Variants in MKRN1 observed in about 807,000 individuals in gnomAD.
MKRN1 encodes the protein makorin ring finger protein 1, also known as E3 ubiquitin-protein ligase makorin-1.
In MKRN1, 9 loss-of-function variants were observed where a neutral mutation model predicts 55.5. The ratio of observed to expected loss-of-function variants is 0.16; its 90% confidence interval spans 0.10 to 0.28. MKRN1 has a LOEUF of 0.28. Ranked by LOEUF, MKRN1 falls within the 10% of genes least tolerant of loss-of-function variation. The pLI, the probability that MKRN1 is intolerant of heterozygous loss-of-function variation, is 1.00. For missense variants in MKRN1, 488 were observed against 626.7 expected, an observed-to-expected ratio of 0.78 and a Z score of 2.36; for synonymous variants, 253 against 235.9, an observed-to-expected ratio of 1.07 and a Z score of -0.66.
At chr7:140,479,094 C>A (rs932433943) in intron 1 of MKRN1, 66 bp downstream of exon 1, 11 of 1,258,684 alleles carry the variant, frequency 8.7e-6, no homozygotes, top group Non-Finnish European at 1.1e-5. Context: ...CCTCCTCCCT[C>A]CCGCGCCGCA....
chr7:140,462,158 G>C (rs113348418), intron 2 of MKRN1, among the ~76,000 whole-genome samples: 115 of 152,204 alleles, frequency 7.6e-4, no homozygotes, highest in African/African-American at 2.5e-3. Flanking sequence ...CTCCTGAGTA[G>C]CTGGGACGAC....
At chr7:140,474,038 A>G (rs1157586519) in intron 1 of MKRN1, among the ~76,000 whole-genome samples, 2 of 93,108 alleles carry the variant, frequency 2.1e-5, no homozygotes, top group African/African-American at 1.2e-4. Flanking sequence ...AGAAAGAAAG[A>G]AAGAAAGAAA....
chr7:140,476,514 AGTACTTTGTCTTTGGT>A (rs1177558841), intron 1 of MKRN1, among the ~76,000 whole-genome samples: 2 of 148,636 alleles, frequency 1.3e-5, no homozygotes, highest in African/African-American at 2.5e-5. Flanking sequence ...TGTTCTGTTA[AGTACTTTGTCTTTGGT>A]AATTTACAAG....
Position 140,454,592 on chromosome 7 carries a change from G to A in MKRN1, c.1374C>T (p.Asp458=), listed in dbSNP as rs546503746. The change falls in exon 8 of 8, where the codon GAC becomes GAT. Residue 458 remains aspartate (D), a synonymous_variant. Transcript: ENST00000255977. ...LLMLLAAGGD[D]ELTDSEDEWD... ...ACTCATCTTCAGAGTCTGTTAGTTC[G>A]TCGTCCCCACCTGCAGCCAAAAGCA... 268 of 1,613,806 alleles carry A rather than the reference G, an allele frequency of 1.7e-4. 1 individual carries two copies. The South Asian group carries it at 2.2e-3, about 13-fold the overall frequency.
At chr7:140,473,491 A>T (rs1794996083) in intron 1 of MKRN1, among the ~76,000 whole-genome samples, 1 of 152,224 alleles carries the variant, frequency 6.6e-6, no homozygotes, top group Non-Finnish European at 1.5e-5. Flanking sequence ...TAGGCATCTT[A>T]ACAACCTCTT....
chr7:140,453,197 C>T lies in MKRN1; in HGVS notation c.*1320G>A, dbSNP rs1022301252. 34 of 152,492 alleles carry T rather than the reference C, an allele frequency of 2.2e-4. No homozygotes were observed. The highest frequency in any genetic ancestry group is 7.7e-4 in the African/African-American group (32 of 41,430). The allele number at this position is 152,492 out of a possible 1,614,324, so 9.4% of individuals were successfully genotyped here. On this transcript the variant is annotated 3_prime_UTR_variant, in exon 8 of 8. Transcript: ENST00000255977. ...GAATCAAAGCAGTAGATGGACAAACCAGGAGCATCCCCGAGTTATTTTCAG... is the reference window on the plus strand; with the variant it reads ...GAATCAAAGCAGTAGATGGACAAACTAGGAGCATCCCCGAGTTATTTTCAG...
intron 2 of MKRN1, among the ~76,000 whole-genome samples, chr7:140,463,619 C>G (rs1192973416): frequency 2.0e-5 from 3 of 152,094 alleles, no homozygotes; most frequent in Non-Finnish European, 4.4e-5. Context: ...GACGCGGTGG[C>G]TCACGCCTGT....
At chr7:140,469,490 T>C (rs1483778105) in intron 2 of MKRN1, among the ~76,000 whole-genome samples, 1 of 152,158 alleles carries the variant, frequency 6.6e-6, no homozygotes, top group East Asian at 1.9e-4. Context: ...TCAGTGGAAA[T>C]AACAGTATAT....
In MKRN1 at chr7:140,455,824, G is replaced by C; in HGVS notation, c.1063C>G (p.Gln355Glu). 1.2e-6 allele frequency: 2 copies of C among 1,613,958 alleles called. No homozygotes were observed. Among genetic ancestry groups the C allele is most frequent in the South Asian group, 2.2e-5 (2 of 91,082 alleles). Reference sequence around the variant, plus strand: ...TCCTTGTATTTCAGAATGAGTTTCTGCTTCTCTTCTTTCTCCTCCACCCAG... The same window carrying C: ...TCCTTGTATTTCAGAATGAGTTTCTCCTTCTCTTCTTTCTCCTCCACCCAG... ...EYWVEEKEEK[Q>E]KLILKYKEAM... is the part of the protein sequence containing the mutation. Residue 355 changes from glutamine (Q) to glutamate (E), a missense_variant, in exon 6 of 8, where the codon CAG becomes GAG. Physicochemically the swap from Gln to Glu is conservative, Grantham distance 29. Transcript: ENST00000255977.
intron 1 of MKRN1, among the ~76,000 whole-genome samples, chr7:140,474,720 T>C (rs1380343198): frequency 7.3e-6 from 1 of 137,136 alleles, no homozygotes; most frequent in Non-Finnish European, 1.5e-5. Context: ...TTTCCTTCTT[T>C]CTTTTTTTTT....
Position 140,479,258 on chromosome 7 carries a change from G to T in MKRN1, c.87C>A (p.Thr29=). The change falls in exon 1 of 8, where the codon ACC becomes ACA. Residue 29 remains threonine, a synonymous_variant. Coordinates refer to ENST00000255977, the MANE Select transcript of MKRN1 (RefSeq NM_013446.4). Reference sequence around the variant, plus strand: ...ACGGGGCGGTGACTGTGGGGATCGGGGTGGGGGAGGCTGCTGCCGCCGTCG... The same window carrying T: ...ACGGGGCGGTGACTGTGGGGATCGGTGTGGGGGAGGCTGCTGCCGCCGTCG... The part of the protein sequence containing the change: ...AAATAAAASP[T]PIPTVTAPSL... 3 of 1,406,302 alleles carry T rather than the reference G, an allele frequency of 2.1e-6. No homozygotes were observed. The highest frequency in any genetic ancestry group is 2.8e-6 in the Non-Finnish European group (3 of 1,082,536). 87.1% of individuals were successfully genotyped at this position (1,406,302 alleles called of 1,614,324 possible).
At chr7:140,458,015 A>T (rs1794515047) in intron 4 of MKRN1, among the ~76,000 whole-genome samples, 1 of 152,198 alleles carries the variant, frequency 6.6e-6, no homozygotes, top group Admixed American at 6.5e-5. Context: ...GCTCCAATAA[A>T]GTTAAAGTTT....
rs183378662 is a variant in MKRN1 at position 140,467,273 on chromosome 7, C to T, written c.314+4610G>A. Among the ~76,000 whole-genome samples the T allele has an allele frequency of 4.0e-3, 611 of 151,782 alleles. 3 individuals carry two copies. The highest frequency in any genetic ancestry group is 0.014 in the African/African-American group (571 of 41,410). ...ACAGGCATGAGCCACCAAGCCCAGC[C>T]GCCCCCTCCCCCACTTTCTTTTAAG... On this transcript the variant is annotated intron_variant, in intron 2 of 7. Transcript: ENST00000255977.
rs1277640284 is a variant in MKRN1, at chr7:140,479,199, TCGCTGCCGC to T, written c.137_145del (p.Gly46_Ser48del). ...TTTAGTCCAGCCGCCGCCGCTGCCG[TCGCTGCCGC>T]CGCCCCCTCCGCCCGCCCCCAGGGA... On this transcript the variant is annotated inframe_deletion, in exon 1 of 8. Transcript: ENST00000255977. 28 of 1,464,538 alleles carry T rather than the reference TCGCTGCCGC, an allele frequency of 1.9e-5. No individual in the cohort carries two copies. Among genetic ancestry groups the T allele is most frequent in the African/African-American group, 8.9e-5 (6 of 67,544 alleles). 90.7% of individuals were successfully genotyped at this position (1,464,538 alleles called of 1,614,324 possible).
In MKRN1 at chr7:140,453,044, A is replaced by G. The variant is rs1314541157; in HGVS notation, c.*1473T>C. The G allele has an allele frequency of 6.6e-6, 1 of 152,630 alleles. No individual in the cohort carries two copies. Among genetic ancestry groups the G allele is most frequent in the Non-Finnish European group, 1.5e-5 (1 of 68,042 alleles). 9.5% of individuals were successfully genotyped at this position (152,630 alleles called of 1,614,324 possible). On this transcript the variant is annotated 3_prime_UTR_variant, in exon 8 of 8. Transcript: ENST00000255977. ...TCAAAAACAGCTCATTACACAGAAC[A>G]GCCAACTTTTTTTTTAATTGTTTTA...
chr7:140,461,172 A>T (rs984306282), intron 2 of MKRN1, among the ~76,000 whole-genome samples: 1 of 152,248 alleles, frequency 6.6e-6, no homozygotes, highest in African/African-American at 2.4e-5. Flanking sequence ...CACTATTAAA[A>T]GGTAGAGACA....
intron 2 of MKRN1, among the ~76,000 whole-genome samples, chr7:140,463,671 G>A (rs1239367578): frequency 2.0e-5 from 3 of 151,986 alleles, no homozygotes; most frequent in Non-Finnish European, 4.4e-5. Context: ...GGATCACAAG[G>A]TCAGGAGATG....
At chr7:140,474,801 C>T (rs1795072561) in intron 1 of MKRN1, among the ~76,000 whole-genome samples, 3 of 151,548 alleles carry the variant, frequency 2.0e-5, no homozygotes, top group Admixed American at 1.3e-4. Flanking sequence ...TCACTGCAGC[C>T]TCTGCCTCTT....
chr7:140,460,141 G>A, intron 2 of MKRN1: 1 of 572,306 alleles, frequency 1.7e-6, no homozygotes, highest in South Asian at 1.9e-5. Context: ...CAACTACTCG[G>A]GAGGCTGAGG....
Sources: gnomAD v4.1 joint callset for allele counts (sites outside exome capture counted in the v4.1 genomes callset) on GRCh38, gnomAD v4.1.1 for gene constraint, MANE v1.5 for transcripts, NCBI Gene and HGNC (gene_info 2026-07-23, HGNC 2026-07-21) for gene names.